HNRNPL: variants seen among roughly 807,000 people sequenced by gnomAD.
HNRNPL encodes heterogeneous nuclear ribonucleoprotein L.
HNRNPL carries 12 observed loss-of-function variants against 64.0 expected under a neutral mutation model. That is an observed-to-expected ratio of 0.19 (90% CI 0.12 to 0.30). The LOEUF (loss-of-function observed/expected upper bound fraction) is 0.30, where lower values mean the gene tolerates loss of function less well. Ranked by LOEUF, HNRNPL falls within the 10% of genes least tolerant of loss-of-function variation. The pLI is 1.00. For synonymous variants in HNRNPL, 385 were observed against 313.0 expected (o/e 1.23, Z -2.43); for missense variants, 484 against 797.4 (o/e 0.61, Z 4.73).
At chr19:38,843,940 T>C in intron 5 of HNRNPL, 26 bp from the exon 6 acceptor site, 1 of 1,613,252 alleles carries the variant, frequency 6.2e-7, no homozygotes, top group Non-Finnish European at 8.5e-7. Context: ...AAGACAAGAC[T>C]TGAGGTCAGC....
intron 1 of HNRNPL, chr19:38,849,399 G>C (rs562105817): frequency 1.2e-5 from 4 of 346,536 alleles, no homozygotes; most frequent in East Asian, 4.3e-5. Context: ...GAAAAAAACC[G>C]GCCGGGCCGC....
At chr19:38,845,575 G>T in intron 4 of HNRNPL, 75 bp downstream of exon 4, 1 of 1,206,758 alleles carries the variant, frequency 8.3e-7, no homozygotes, top group Non-Finnish European at 1.2e-6. Context: ...ACACATGCTG[G>T]CTCAAAGAAT....
rs774904225 is a variant in HNRNPL, at chr19:38,838,448, C to T, written c.1506G>A (p.Val502=). Residue 502 remains valine (V), a synonymous_variant, in exon 10 of 13, where the codon GTG becomes GTA. Coordinates refer to ENST00000221419, the MANE Select transcript of HNRNPL (RefSeq NM_001533.3). ...AKNRIQHPSN[V]LHFFNAPLEV... The stretch of plus-strand genomic sequence containing the variant: ...CCAGCGGGGCGTTGAAGAAGTGCAG[C>T]ACGTTGCTGGGGTGCTGGATGCGGT... The T allele has an allele frequency of 6.2e-7, 1 of 1,614,040 alleles. No individual in the cohort carries two copies. The highest frequency in any genetic ancestry group is 8.5e-7 in the Non-Finnish European group (1 of 1,179,898).
chr19:38,840,023 C>CA, intron 8 of HNRNPL, 73 bp downstream of exon 8: 1 of 1,469,752 alleles, frequency 6.8e-7, no homozygotes, highest in Non-Finnish European at 9.5e-7. Flanking sequence ...AGGCTCCCCC[C>CA]TGGTTCTTTC....
rs1237937025 is a variant in HNRNPL, at chr19:38,838,606, A to C, written c.1356-8T>G. On this transcript the variant is annotated splice_region_variant and splice_polypyrimidine_tract_variant and intron_variant, in intron 9 of 12. Coordinates refer to ENST00000221419, the MANE Select transcript of HNRNPL (RefSeq NM_001533.3). ...GCTGGCTGCTTGGAGACACTGCAGC[A>C]AGGAAGAAAGGGGAGCCTTTGTCAT... 2 of 1,612,344 alleles carry C rather than the reference A, an allele frequency of 1.2e-6. No homozygotes were observed. The highest frequency in any genetic ancestry group is 4.5e-5 in the East Asian group (2 of 44,840).
chr19:38,849,849 C>T lies in HNRNPL; in HGVS notation c.118G>A (p.Gly40Ser). Residue 40 changes from glycine (G) to serine (S), a missense_variant, in exon 1 of 13, where the codon GGC becomes AGC. Gly to Ser is a moderately conservative substitution (Grantham distance 56). This residue lies in a region of HNRNPL where 190 missense variants were observed against 160.1 expected (regional missense o/e 1.19). Coordinates refer to ENST00000221419, the MANE Select transcript of HNRNPL (RefSeq NM_001533.3). ...GAMVKMAAAGGGGGGGRYYGG... is the reference protein window; with the variant it reads ...GAMVKMAAAGSGGGGGRYYGG... ...TAGTAGCGGCCACCGCCGCCTCCGC[C>T]GCCCGCCGCCGCCATCTTCACCATC... 8.3e-7 allele frequency: 1 copy of T among 1,205,130 alleles called. No homozygotes were observed. Among genetic ancestry groups the T allele is most frequent in the South Asian group, 1.3e-5 (1 of 75,752 alleles). 74.7% of individuals were successfully genotyped at this position (1,205,130 alleles called of 1,614,324 possible).
At chr19:38,851,795 G>A (rs1000417755), upstream of HNRNPL, among the ~76,000 whole-genome samples, 8 of 152,194 alleles carry the variant, frequency 5.3e-5, no homozygotes, top group African/African-American at 1.9e-4. Flanking sequence ...TACAAGAGGG[G>A]ACAGGCCTGG....
intron 3 of HNRNPL, 54 bp from the exon 4 acceptor site, chr19:38,845,789 T>C: frequency 1.3e-6 from 2 of 1,597,574 alleles, no homozygotes; most frequent in Non-Finnish European, 1.7e-6. Flanking sequence ...CAGTCTGGCT[T>C]GGGGGAGGGA....
At chr19:38,847,044 A>T (rs542622968) in intron 2 of HNRNPL, among the ~76,000 whole-genome samples, 2 of 152,348 alleles carry the variant, frequency 1.3e-5, no homozygotes, top group Admixed American at 6.5e-5. Context: ...ACTACACTCC[A>T]GCCTGGGCCA....
chr19:38,841,736 C>A, intron 6 of HNRNPL: 1 of 742,132 alleles, frequency 1.3e-6, no homozygotes, highest in Non-Finnish European at 2.0e-6. Flanking sequence ...ACATCCGCTA[C>A]AATTTTTTTA....
At chr19:38,846,477 G>C (rs1440334490) in intron 2 of HNRNPL, among the ~76,000 whole-genome samples, 1 of 152,202 alleles carries the variant, frequency 6.6e-6, no homozygotes, top group Non-Finnish European at 1.5e-5. Context: ...CTTGCTGAAT[G>C]AAAGAACACT....
chr19:38,839,123 C>T (rs1972025775), intron 8 of HNRNPL, 108 bp from the exon 9 acceptor site: 1 of 1,389,064 alleles, frequency 7.2e-7, no homozygotes, highest in African/African-American at 1.4e-5. Context: ...CCCATGTCCT[C>T]ACAGTTAATC....
upstream of HNRNPL, among the ~76,000 whole-genome samples, chr19:38,851,654 T>G (rs1374908856): frequency 2.0e-5 from 3 of 152,138 alleles, no homozygotes; most frequent in Non-Finnish European, 4.4e-5. Flanking sequence ...ATCCCAGCAC[T>G]TGGGGAGGCC....
At chr19:38,836,840 C>G in intron 12 of HNRNPL, 60 bp from the exon 13 acceptor site, 2 of 1,334,402 alleles carry the variant, frequency 1.5e-6, no homozygotes, top group Non-Finnish European at 2.1e-6. Flanking sequence ...AAACCCAGGT[C>G]CCCTCAAGTT....
upstream of HNRNPL, chr19:38,851,260 A>G (rs978790521): frequency 2.0e-5 from 3 of 152,270 alleles, no homozygotes; most frequent in African/African-American, 7.2e-5. Flanking sequence ...GCACTGCACC[A>G]AGAGAATGTC....
intron 6 of HNRNPL, among the ~76,000 whole-genome samples, chr19:38,842,770 C>T (rs1471762762): frequency 6.6e-6 from 1 of 152,108 alleles, no homozygotes; most frequent in Admixed American, 6.5e-5. Context: ...CTTGGGGCTG[C>T]CAAAGCTGAG....
chr19:38,838,702 A>AT (rs1324325687), intron 9 of HNRNPL, 104 bp from the exon 10 acceptor site: 4 of 1,340,052 alleles, frequency 3.0e-6, no homozygotes, highest in Non-Finnish European at 4.2e-6. Context: ...GCCTTGGGGC[A>AT]TTGCTCTACA....
At chr19:38,849,461 C>T in intron 1 of HNRNPL, 1 of 465,466 alleles carries the variant, frequency 2.1e-6, no homozygotes, top group Non-Finnish European at 3.4e-6. Context: ...GGGCCATTCG[C>T]CTCACGAGCT....
At chr19:38,848,931 T>C (rs1972398417) in intron 1 of HNRNPL, among the ~76,000 whole-genome samples, 1 of 152,162 alleles carries the variant, frequency 6.6e-6, no homozygotes, top group South Asian at 2.1e-4. Flanking sequence ...GACTTCAAGA[T>C]TTTGGAAAGA....
Sources: allele counts gnomAD v4.1 joint callset (sites outside exome capture counted in the v4.1 genomes callset), GRCh38; gene constraint gnomAD v4.1.1; regional missense constraint gnomAD v4.1.1; transcripts MANE v1.5; gene names NCBI Gene and HGNC (gene_info 2026-07-23, HGNC 2026-07-21).